Variants in FGD3 observed in about 807,000 individuals in gnomAD.
FGD3 encodes the protein FYVE, RhoGEF and PH domain containing 3, also known as FYVE, RhoGEF and PH domain-containing protein 3.
In FGD3, 45 loss-of-function variants were observed where a neutral mutation model predicts 71.8. The observed-to-expected ratio is 0.63, with a 90% CI of 0.49 to 0.80. The LOEUF is 0.80. FGD3 is among the 30% of genes least tolerant of loss of function. FGD3 has a pLI of 0.00. For missense variants in FGD3, 844 were observed against 951.5 expected (o/e 0.89, Z 1.49); for synonymous variants, 378 against 392.8 (o/e 0.96, Z 0.44).
intron 3 of FGD3, among the ~76,000 whole-genome samples, chr9:92,992,692 AC>A (rs1860462817): frequency 6.6e-6 from 1 of 152,236 alleles, no homozygotes; most frequent in East Asian, 1.9e-4. Context: ...CTAGAGAGGT[AC>A]AGTAGCTACT....
At position 93,020,553 on chromosome 9, in the gene FGD3, C is replaced by T. The variant is rs754234033; in HGVS notation, c.1494+129C>T. The T allele has an allele frequency of 2.2e-5, 15 of 696,334 alleles. No homozygotes were observed. The East Asian group carries it at 3.0e-4, about 14-fold the overall frequency. The allele number at this position is 696,334 out of a possible 1,614,324, so 43.1% of individuals were successfully genotyped here. On this transcript the variant is annotated intron_variant, in intron 13 of 17. Coordinates refer to ENST00000375482, the MANE Select transcript of FGD3 (RefSeq NM_001083536.2). ...CCTCCTGCTACACCAGGGACCAGGA[C>T]AGCGGGCACTCCCTTGTGTTAAAAT...
At chr9:92,994,398 T>G (rs1860547276) in intron 3 of FGD3, among the ~76,000 whole-genome samples, 1 of 152,222 alleles carries the variant, frequency 6.6e-6, no homozygotes, top group Non-Finnish European at 1.5e-5. Context: ...TTGCAAAAAT[T>G]TTCTCCCATT....
At chr9:92,947,993 G>A (rs1427213925) in intron 1 of FGD3, among the ~76,000 whole-genome samples, 3 of 152,110 alleles carry the variant, frequency 2.0e-5, no homozygotes, top group African/African-American at 7.2e-5. Flanking sequence ...CTCGCGGTGG[G>A]TCCTGGGACC....
At chr9:92,978,214 G>A (rs550275987) in intron 3 of FGD3, among the ~76,000 whole-genome samples, 1 of 151,426 alleles carries the variant, frequency 6.6e-6, no homozygotes, top group South Asian at 2.1e-4. Context: ...CCCAGGAGGC[G>A]GAGGTTGCGG....
Position 93,035,987 on chromosome 9 carries a change from C to G in FGD3, c.*398C>G. On this transcript the variant is annotated 3_prime_UTR_variant, in exon 18 of 18. Transcript: ENST00000375482. ...CCGCCTCTGCCCAGCCTGTCTACACCGTGTGAGCTGAATCGTGACTTGCTT... is the reference window on the plus strand; with the variant it reads ...CCGCCTCTGCCCAGCCTGTCTACACGGTGTGAGCTGAATCGTGACTTGCTT... 1 of 187,054 alleles carries G rather than the reference C, an allele frequency of 5.3e-6. No homozygotes were observed. Among genetic ancestry groups the G allele is most frequent in the East Asian group, 1.4e-4 (1 of 6,964 alleles). 11.6% of individuals were successfully genotyped at this position (187,054 alleles called of 1,614,324 possible). A position where few individuals can be genotyped will look rare whatever the true frequency, so the allele number is the denominator to read the frequency against.
At chr9:92,987,338 A>G (rs1044472255) in intron 3 of FGD3, among the ~76,000 whole-genome samples, 2 of 151,856 alleles carry the variant, frequency 1.3e-5, no homozygotes, top group African/African-American at 2.4e-5. Flanking sequence ...AGGCTGAGGC[A>G]GAAGAATGGT....
chr9:92,976,332 AGTTCCTCCCT>A lies in FGD3; in HGVS notation c.77_86del (p.Ser26LysfsTer31). 1.2e-6 allele frequency: 2 copies of A among 1,610,710 alleles called. No homozygotes were observed. Among genetic ancestry groups the A allele is most frequent in the Non-Finnish European group, 1.7e-6 (2 of 1,178,976 alleles). ...AGGGATGCCAGACACTGGGCCTGGC[AGTTCCTCCCT>A]AGGGAAGCTTCAGGCGCTCCCTGTT... is the stretch of plus-strand genomic sequence containing the variant. On this transcript the variant is annotated frameshift_variant, in exon 3 of 18. Transcript: ENST00000375482. LOFTEE classifies it high-confidence loss of function.
At position 93,036,219 on chromosome 9, in the gene FGD3, CACTG is replaced by C. The variant is rs1289911872; in HGVS notation, c.*631_*634del. 6.6e-6 allele frequency: 1 copy of C among 152,354 alleles called. No individual in the cohort carries two copies. Among genetic ancestry groups the C allele is most frequent in the African/African-American group, 2.4e-5 (1 of 41,472 alleles). The allele number at this position is 152,354 out of a possible 1,614,324, so 9.4% of individuals were successfully genotyped here. On this transcript the variant is annotated 3_prime_UTR_variant, in exon 18 of 18. Coordinates refer to ENST00000375482, the MANE Select transcript of FGD3 (RefSeq NM_001083536.2). ...CACAGTGCTTATCTGCATAAATAAA[CACTG>C]GCCACCAGCAGTGGGCGCAGCCTCG...
chr9:93,024,542 G>A (rs1179104891), intron 14 of FGD3, among the ~76,000 whole-genome samples: 1 of 152,278 alleles, frequency 6.6e-6, no homozygotes, highest in Non-Finnish European at 1.5e-5. Context: ...TCCTGCCGCA[G>A]AGGCATCAAG....
At chr9:93,030,469 C>T (rs1353838439) in intron 15 of FGD3, among the ~76,000 whole-genome samples, 5 of 152,178 alleles carry the variant, frequency 3.3e-5, no homozygotes, top group Non-Finnish European at 7.3e-5. Context: ...TCTCCATTCC[C>T]CTCACTCCAA....
At chr9:92,976,182 G>A in intron 2 of FGD3, 26 bp from the exon 3 acceptor site, 2 of 1,369,818 alleles carry the variant, frequency 1.5e-6, no homozygotes, top group Non-Finnish European at 2.0e-6. Flanking sequence ...GGCTAGCACT[G>A]ACTCTGGCTT....
chr9:93,015,758 T>G lies in FGD3; in HGVS notation c.1204T>G (p.Cys402Gly), dbSNP rs772799038. The change falls in exon 10 of 18, where the codon TGT becomes GGT. Residue 402 changes from cysteine to glycine, a missense_variant. Physicochemically the swap from Cys to Gly is radical, Grantham distance 159. Coordinates refer to ENST00000375482, the MANE Select transcript of FGD3 (RefSeq NM_001083536.2). ...GCAGTTCAACAGCATGATCCTTTACTGTGTGCCCAAGCTGCGGCTCATGGG... is the reference window on the plus strand; with the variant it reads ...GCAGTTCAACAGCATGATCCTTTACGGTGTGCCCAAGCTGCGGCTCATGGG... ...LFLFNSMILY[C>G]VPKLRLMGQK... The G allele has an allele frequency of 6.2e-7, 1 of 1,614,084 alleles. No individual in the cohort carries two copies. The highest frequency in any genetic ancestry group is 1.3e-5 in the African/African-American group (1 of 74,934).
chr9:92,988,402 G>C (rs904992343), intron 3 of FGD3, among the ~76,000 whole-genome samples: 1 of 152,200 alleles, frequency 6.6e-6, no homozygotes, highest in Non-Finnish European at 1.5e-5. Context: ...ATAAATGCTT[G>C]TGGGGCAGGC....
chr9:92,989,580 A>G (rs4744162), intron 3 of FGD3, among the ~76,000 whole-genome samples: 84,389 of 152,072 alleles, frequency 0.55, 23,619 homozygotes, highest in Admixed American at 0.61. Context: ...GCCTTTCTCC[A>G]AAGAGGACTT....
Position 92,976,671 on chromosome 9 carries a change from AC to A in FGD3, c.421del (p.Gln141ArgfsTer33), listed in dbSNP as rs1214182725. ...DVGEEPDSEN[T>X]PQKADKDAGL... ...GGGTGAGGAACCTGACTCTGAGAAC[AC>A]CCCCCAGAAGGCTGACAAGGATGCC... On this transcript the variant is annotated frameshift_variant, in exon 3 of 18. Coordinates refer to ENST00000375482, the MANE Select transcript of FGD3 (RefSeq NM_001083536.2). LOFTEE classifies it high-confidence loss of function. 2.5e-6 allele frequency: 4 copies of A among 1,605,652 alleles called. No homozygotes were observed. Among genetic ancestry groups the A allele is most frequent in the Admixed American group, 1.7e-5 (1 of 59,444 alleles).
chr9:92,981,905 T>G (rs1480408124), intron 3 of FGD3, among the ~76,000 whole-genome samples: 1 of 152,216 alleles, frequency 6.6e-6, no homozygotes, highest in Non-Finnish European at 1.5e-5. Context: ...AGTGATGTTT[T>G]GATACATAGA....
At chr9:93,015,552 C>T (rs763226126) in intron 9 of FGD3, 185 bp from the exon 10 acceptor site, 9 of 450,996 alleles carry the variant, frequency 2.0e-5, no homozygotes, top group East Asian at 3.3e-5. Flanking sequence ...ATAAAGCTAG[C>T]GACTAGAGTC....
chr9:92,970,442 T>C (rs984567704), intron 1 of FGD3, among the ~76,000 whole-genome samples: 1 of 152,158 alleles, frequency 6.6e-6, no homozygotes, highest in Non-Finnish European at 1.5e-5. Flanking sequence ...AAAGAGAGGC[T>C]CAAGTGTTTA....
chr9:93,030,343 G>A (rs1862307181), intron 15 of FGD3, among the ~76,000 whole-genome samples: 1 of 152,140 alleles, frequency 6.6e-6, no homozygotes, highest in African/African-American at 2.4e-5. Flanking sequence ...TGAAGGGTGT[G>A]GCTGTGCTGG....
Sources: gnomAD v4.1 joint callset for allele counts (sites outside exome capture counted in the v4.1 genomes callset) on GRCh38, gnomAD v4.1.1 for gene constraint, MANE v1.5 for transcripts, NCBI Gene and HGNC (gene_info 2026-07-23, HGNC 2026-07-21) for gene names.